PXDNL: variants seen among roughly 807,000 people sequenced by gnomAD.
The protein encoded by PXDNL is probable oxidoreductase PXDNL.
In PXDNL, 145 loss-of-function variants were observed where a neutral mutation model predicts 150.8. That is an observed-to-expected ratio of 0.96 (90% CI 0.84 to 1.10). The LOEUF is 1.10. Ranked by LOEUF, PXDNL falls within the 50% of genes least tolerant of loss-of-function variation. PXDNL has a pLI of 0.00. For missense variants in PXDNL, 2,087 were observed against 1,873.9 expected (o/e 1.11, Z -2.10); for synonymous variants, 757 against 725.7 (o/e 1.04, Z -0.69).
chr8:51,426,594 G>T, intron 13 of PXDNL, 52 bp downstream of exon 13: 4 of 1,021,894 alleles, frequency 3.9e-6, no homozygotes, highest in Admixed American at 2.2e-5. Context: ...TCAGTGGGTC[G>T]ATACATCTGT....
chr8:51,384,060 A>T (rs920157284), intron 17 of PXDNL, among the ~76,000 whole-genome samples: 1 of 152,204 alleles, frequency 6.6e-6, no homozygotes, highest in Non-Finnish European at 1.5e-5. Flanking sequence ...TTTGTGATAA[A>T]GTGTCCTTGT....
chr8:51,458,908 A>T (rs1305058828), intron 8 of PXDNL, among the ~76,000 whole-genome samples: 1 of 151,966 alleles, frequency 6.6e-6, no homozygotes, highest in African/African-American at 2.4e-5. Flanking sequence ...AGACAATCTG[A>T]TCTTCTTCAG....
At chr8:51,364,754 T>G (rs1175233450) in intron 19 of PXDNL, among the ~76,000 whole-genome samples, 1 of 152,142 alleles carries the variant, frequency 6.6e-6, no homozygotes, top group African/African-American at 2.4e-5. Context: ...AAAGAGAACA[T>G]TGCTGCCATC....
intron 12 of PXDNL, among the ~76,000 whole-genome samples, chr8:51,433,161 G>C (rs1432280907): frequency 2.0e-5 from 3 of 151,228 alleles, no homozygotes; most frequent in Admixed American, 6.6e-5. Flanking sequence ...GTGAGCGGAG[G>C]TCGCACCACA....
chr8:51,773,060 G>T (rs2037315792), intron 1 of PXDNL, among the ~76,000 whole-genome samples: 1 of 152,148 alleles, frequency 6.6e-6, no homozygotes, highest in Non-Finnish European at 1.5e-5. Flanking sequence ...AAAATAGTTT[G>T]GAATAAAGAG....
At chr8:51,481,866 G>T (rs1162084530) in intron 6 of PXDNL, among the ~76,000 whole-genome samples, 1 of 152,232 alleles carries the variant, frequency 6.6e-6, no homozygotes, top group Non-Finnish European at 1.5e-5. Context: ...GTATAGAAAT[G>T]CCTGAATGTC....
At chr8:51,628,337 A>ATTTCTTTTTATTTC (rs765846647) in intron 2 of PXDNL, among the ~76,000 whole-genome samples, 2 of 111,406 alleles carry the variant, frequency 1.8e-5, no homozygotes, top group African/African-American at 5.6e-5. Context: ...CTTCTTCTTT[A>ATTTCTTTTTATTTC]TTTCTTTCTT....
chr8:51,655,186 T>C (rs1315858148), intron 1 of PXDNL, among the ~76,000 whole-genome samples: 1 of 152,236 alleles, frequency 6.6e-6, no homozygotes, highest in Non-Finnish European at 1.5e-5. Flanking sequence ...GCAAAAATTA[T>C]TAATTACTTA....
intron 8 of PXDNL, among the ~76,000 whole-genome samples, chr8:51,458,740 C>T (rs1396275871): frequency 6.6e-6 from 1 of 152,148 alleles, no homozygotes; most frequent in African/African-American, 2.4e-5. Context: ...AGCCTATTCC[C>T]ACATAGGTAA....
chr8:51,641,136 A>G (rs1465102978), intron 2 of PXDNL, among the ~76,000 whole-genome samples: 2 of 151,262 alleles, frequency 1.3e-5, no homozygotes, highest in Non-Finnish European at 3.0e-5. Context: ...TGGTGCTGGG[A>G]AAACTGGCTA....
intron 17 of PXDNL, among the ~76,000 whole-genome samples, chr8:51,399,646 G>A (rs73579673): frequency 0.03 from 4,576 of 152,222 alleles, 218 homozygotes; most frequent in African/African-American, 0.11. Context: ...TGTCTTCACT[G>A]GGGTAATGAT....
At chr8:51,395,287 G>T (rs569034183) in intron 17 of PXDNL, among the ~76,000 whole-genome samples, 2 of 152,196 alleles carry the variant, frequency 1.3e-5, no homozygotes, top group African/African-American at 2.4e-5. Flanking sequence ...TCAGAGGACT[G>T]GGATGGGGCT....
intron 19 of PXDNL, among the ~76,000 whole-genome samples, chr8:51,363,814 A>G (rs1233639867): frequency 1.3e-5 from 2 of 152,194 alleles, no homozygotes; most frequent in East Asian, 1.9e-4. Context: ...CTGGTTGTAT[A>G]AAAGCTTTCC....
intron 3 of PXDNL, among the ~76,000 whole-genome samples, chr8:51,592,057 A>G (rs1194211575): frequency 1.3e-5 from 2 of 152,190 alleles, no homozygotes; most frequent in African/African-American, 4.8e-5. Flanking sequence ...ATTACCAAAC[A>G]CCAATGTTTC....
chr8:51,520,177 C>A (rs1438340008), intron 4 of PXDNL, among the ~76,000 whole-genome samples: 5 of 152,178 alleles, frequency 3.3e-5, no homozygotes. Context: ...GTGCTGTCTG[C>A]CCAGGCCCTG....
Position 51,408,082 on chromosome 8 carries a change from C to A in PXDNL, c.3542G>T (p.Arg1181Ile), listed in dbSNP as rs200978094. 287 of 1,603,476 alleles carry A rather than the reference C, an allele frequency of 1.8e-4. 1 individual carries two copies. In the African/African-American group the frequency reaches 3.0e-3, roughly 17 times the overall value. Residue 1181 changes from arginine to isoleucine, a missense_variant, in exon 17 of 23, where the codon AGA becomes ATA. Coordinates refer to ENST00000356297, the MANE Select transcript of PXDNL (RefSeq NM_144651.5). ...LQNEIKDSEIRQKLRKLYGSP... is the reference protein window; with the variant it reads ...LQNEIKDSEIIQKLRKLYGSP... ...GCATACTTACTTTCTCAGTTTTTGTCTAATCTCTGAATCTTTAATTTCATT... is the reference window on the plus strand; with the variant it reads ...GCATACTTACTTTCTCAGTTTTTGTATAATCTCTGAATCTTTAATTTCATT...
At chr8:51,806,846 C>T (rs1050609208) in intron 1 of PXDNL, among the ~76,000 whole-genome samples, 3 of 152,136 alleles carry the variant, frequency 2.0e-5, no homozygotes, top group African/African-American at 7.2e-5. Context: ...CATTACCATC[C>T]CCACACACTC....
chr8:51,520,056 T>C (rs1811627937), intron 4 of PXDNL, among the ~76,000 whole-genome samples: 1 of 152,168 alleles, frequency 6.6e-6, no homozygotes, highest in Non-Finnish European at 1.5e-5. Flanking sequence ...GTTGTGGGTA[T>C]CTGCCGGCTT....
Position 51,408,123 on chromosome 8 carries a change from G to A in PXDNL, c.3501C>T (p.Asn1167=). Residue 1167 remains asparagine (N), a synonymous_variant, in exon 17 of 23, where the codon AAC becomes AAT. Coordinates refer to ENST00000356297, the MANE Select transcript of PXDNL (RefSeq NM_144651.5). ...TAATTTCATTTTGAAGATCCTCAAA[G>A]TTCTTAACTGAAGTCAAATTACAGA... ...RVFCNLTSVK[N]FEDLQNEIKD... 6.2e-7 allele frequency: 1 copy of A among 1,612,672 alleles called. No homozygotes were observed. Among genetic ancestry groups the A allele is most frequent in the Admixed American group, 1.7e-5 (1 of 59,652 alleles).
Sources: allele counts gnomAD v4.1 joint callset (sites outside exome capture counted in the v4.1 genomes callset), GRCh38; gene constraint gnomAD v4.1.1; transcripts MANE v1.5; gene names NCBI Gene and HGNC (gene_info 2026-07-23, HGNC 2026-07-21).